Variants in HNF1B observed in about 807,000 individuals in gnomAD.
HNF1B encodes the protein HNF1 homeobox B.
Under a neutral mutation model 61.7 loss-of-function variants are expected in HNF1B, and 8 were observed. The ratio of observed to expected loss-of-function variants is 0.13; its 90% CI spans 0.08 to 0.23. HNF1B has a LOEUF of 0.23. Ranked by LOEUF, HNF1B falls within the 10% of genes least tolerant of loss-of-function variation. HNF1B has a pLI of 1.00. For synonymous variants in HNF1B, 314 were observed against 287.7 expected (o/e 1.09, Z -0.93); for missense variants, 562 against 714.5 (o/e 0.79, Z 2.43).
chr17:37,744,235 C>A (rs1209914404), intron 1 of HNF1B, among the ~76,000 whole-genome samples: 2 of 152,206 alleles, frequency 1.3e-5, no homozygotes, highest in Non-Finnish European at 2.9e-5. Context: ...GTCGCGTGGG[C>A]AAACCTCCCG....
intron 6 of HNF1B, among the ~76,000 whole-genome samples, chr17:37,704,272 C>T (rs2032667296): frequency 6.6e-6 from 1 of 152,212 alleles, no homozygotes; most frequent in Non-Finnish European, 1.5e-5. Flanking sequence ...CTGGAGGGAC[C>T]TGATCCATCT....
At chr17:37,741,134 G>C (rs1293903478) in intron 1 of HNF1B, among the ~76,000 whole-genome samples, 3 of 152,074 alleles carry the variant, frequency 2.0e-5, no homozygotes, top group Non-Finnish European at 2.9e-5. Context: ...AAACAAAAAA[G>C]AAAACGGTGT....
intron 8 of HNF1B, among the ~76,000 whole-genome samples, chr17:37,689,903 A>G (rs1160089496): frequency 2.0e-5 from 3 of 152,084 alleles, no homozygotes; most frequent in Non-Finnish European, 4.4e-5. Context: ...GCACTTTTTT[A>G]GACACTGGAG....
At chr17:37,727,688 G>A (rs2033545773) in intron 4 of HNF1B, among the ~76,000 whole-genome samples, 1 of 152,152 alleles carries the variant, frequency 6.6e-6, no homozygotes, top group Non-Finnish European at 1.5e-5. Flanking sequence ...TATTGTGCCG[G>A]ACATTCCAGG....
intron 4 of HNF1B, among the ~76,000 whole-genome samples, chr17:37,726,544 A>T (rs1441456730): frequency 6.6e-6 from 1 of 152,208 alleles, no homozygotes; most frequent in African/African-American, 2.4e-5. Flanking sequence ...TGCCAGGGAA[A>T]ACAACAGCAT....
intron 2 of HNF1B, 88 bp downstream of exon 2, chr17:37,739,352 G>T: frequency 8.0e-7 from 1 of 1,253,870 alleles, no homozygotes; most frequent in Non-Finnish European, 1.2e-6. Flanking sequence ...ACAAGGCCTT[G>T]TCGATGAAAG....
intron 6 of HNF1B, among the ~76,000 whole-genome samples, chr17:37,703,876 G>A (rs1009530336): frequency 3.9e-5 from 6 of 152,130 alleles, no homozygotes; most frequent in African/African-American, 1.2e-4. Context: ...TCCAAGTTCC[G>A]ACCCTAGCTA....
chr17:37,728,240 G>C (rs2033568456), intron 4 of HNF1B, among the ~76,000 whole-genome samples: 1 of 151,740 alleles, frequency 6.6e-6, no homozygotes, highest in Non-Finnish European at 1.5e-5. Context: ...GACCTCAAGT[G>C]ATCTGCCTGC....
chr17:37,697,131 G>A (rs1343075560), intron 8 of HNF1B, among the ~76,000 whole-genome samples: 1 of 152,180 alleles, frequency 6.6e-6, no homozygotes, highest in Non-Finnish European at 1.5e-5. Flanking sequence ...GTGACCTTGG[G>A]CAGGTCACTC....
intron 1 of HNF1B, among the ~76,000 whole-genome samples, chr17:37,740,162 T>C (rs1301949234): frequency 1.3e-5 from 2 of 151,924 alleles, no homozygotes; most frequent in African/African-American, 4.8e-5. Context: ...AGAGATGGGG[T>C]TTCACCATGT....
chr17:37,715,643 G>A lies in HNF1B; in HGVS notation c.1046-4980C>T, dbSNP rs115164595. On this transcript the variant is annotated intron_variant, in intron 4 of 8. Transcript: ENST00000617811. ...CTGGTAAGACACATCCATGCAATAT[G>A]GAGTCACATCTTTTCCTTCCCATGT... 5.1e-3 allele frequency among the ~76,000 whole-genome samples: 779 copies of A among 152,214 alleles called. 7 individuals carry two copies. The highest frequency in any genetic ancestry group is 0.017 in the African/African-American group (722 of 41,514).
intron 4 of HNF1B, among the ~76,000 whole-genome samples, chr17:37,727,896 G>A (rs1442545695): frequency 6.6e-6 from 1 of 152,162 alleles, no homozygotes; most frequent in Non-Finnish European, 1.5e-5. Flanking sequence ...GAGAGTGGGT[G>A]TGGAGGGATT....
At chr17:37,717,248 C>T (rs909503135) in intron 4 of HNF1B, among the ~76,000 whole-genome samples, 1 of 152,090 alleles carries the variant, frequency 6.6e-6, no homozygotes, top group Non-Finnish European at 1.5e-5. Flanking sequence ...TCAGAGCCAA[C>T]CTCCCATCCC....
intron 4 of HNF1B, chr17:37,728,500 G>C (rs1325615968): frequency 1.3e-5 from 2 of 151,476 alleles, no homozygotes; most frequent in Non-Finnish European, 2.9e-5. Flanking sequence ...TACAGACGGG[G>C]TTTCACTGTG....
At position 37,720,850 on chromosome 17, in the gene HNF1B, C is replaced by T. The variant is rs1050934787; in HGVS notation, c.1046-10187G>A. The stretch of plus-strand genomic sequence containing the variant: ...TTCTTCACGGTGAGATTGAAGTTTA[C>T]AGGTAGGGATGCAAACCCTCTAGTT... On this transcript the variant is annotated intron_variant, in intron 4 of 8. Coordinates refer to ENST00000617811, the MANE Select transcript of HNF1B (RefSeq NM_000458.4). The T allele has an allele frequency of 1.2e-5, 12 of 985,208 alleles. No homozygotes were observed. In the Admixed American group the frequency reaches 3.7e-4, roughly 30 times the overall value. The allele number at this position is 985,208 out of a possible 1,614,324, so 61.0% of individuals were successfully genotyped here.
chr17:37,689,146 CAAAAAAAA>C (rs71368464), intron 8 of HNF1B, among the ~76,000 whole-genome samples: 23 of 62,428 alleles, frequency 3.7e-4, no homozygotes, highest in African/African-American at 1.1e-3. Flanking sequence ...CTTGGTCTCA[CAAAAAAAA>C]AAAAAAAAAA....
chr17:37,736,016 C>T (rs1366810857), intron 2 of HNF1B, among the ~76,000 whole-genome samples: 1 of 152,262 alleles, frequency 6.6e-6, no homozygotes, highest in African/African-American at 2.4e-5. Flanking sequence ...CTTCCCGCCA[C>T]CTCAGCCTCC....
intron 2 of HNF1B, among the ~76,000 whole-genome samples, chr17:37,734,560 C>A (rs2033779440): frequency 6.6e-6 from 1 of 152,220 alleles, no homozygotes; most frequent in Non-Finnish European, 1.5e-5. Flanking sequence ...GCAGCTCGGC[C>A]CAGAGGTGAT....
chr17:37,715,898 G>A (rs1048995558), intron 4 of HNF1B, among the ~76,000 whole-genome samples: 6 of 152,184 alleles, frequency 3.9e-5, no homozygotes, highest in Non-Finnish European at 5.9e-5. Context: ...TTGGGAGGCC[G>A]AGGCAGGTGG....
Sources: gnomAD v4.1 joint callset for allele counts (sites outside exome capture counted in the v4.1 genomes callset) on GRCh38, gnomAD v4.1.1 for gene constraint, MANE v1.5 for transcripts, NCBI Gene and HGNC (gene_info 2026-07-23, HGNC 2026-07-21) for gene names.